UMODL1: variants seen among roughly 807,000 people sequenced by gnomAD.
UMODL1 encodes the protein uromodulin like 1.
UMODL1 carries 128 observed loss-of-function variants against 136.3 expected under a neutral mutation model. That is an observed-to-expected ratio of 0.94 (90% confidence interval 0.81 to 1.09). The LOEUF (loss-of-function observed/expected upper bound fraction) is 1.09, where lower values mean the gene tolerates loss of function less well. Among genes scored for constraint, UMODL1 ranks in the 50% least tolerant of loss-of-function variants. The probability of loss-of-function intolerance (pLI) is 0.00; values close to 1 mark genes in which losing one functional copy is unlikely to be tolerated. For synonymous variants in UMODL1, 721 were observed against 720.0 expected (o/e 1.00, Z -0.02); for missense variants, 1,766 against 1,725.6 (o/e 1.02, Z -0.41).
At position 42,110,828 on chromosome 21, in the gene UMODL1, C is replaced by G. The variant is rs1601238155; in HGVS notation, c.1658-52C>G. On this transcript the variant is annotated intron_variant, in intron 10 of 22. Transcript: ENST00000408910. ...GCCATGCTGCCCTCCTGGGAGGGCTCTTACTCGTGGGTGGGATCCAGCAGG... is the reference window on the plus strand; with the variant it reads ...GCCATGCTGCCCTCCTGGGAGGGCTGTTACTCGTGGGTGGGATCCAGCAGG... 4 of 1,517,292 alleles carry G rather than the reference C, an allele frequency of 2.6e-6. No homozygotes were observed. In the East Asian group the frequency reaches 6.9e-5, roughly 26 times the overall value. The allele number at this position is 1,517,292 out of a possible 1,614,324, so 94.0% of individuals were successfully genotyped here.
Position 42,099,738 on chromosome 21 carries a change from T to C in UMODL1, c.1186+558T>C, listed in dbSNP as rs1336182702. ...CTCTGTCACCCAGGCTGGAGTGTAG[T>C]GGTATGATCACAGCTCGCTGCGGCC... On this transcript the variant is annotated intron_variant, in intron 7 of 22. Transcript: ENST00000408910. The surrounding 1 kb of genome is among the most constrained non-coding windows in gnomAD (Gnocchi z 4.1). Among the ~76,000 whole-genome samples, 1 of 152,120 alleles carries C rather than the reference T, an allele frequency of 6.6e-6. No individual in the cohort carries two copies. The highest frequency in any genetic ancestry group is 1.5e-5 in the Non-Finnish European group (1 of 68,012).
rs201484577 is a variant in UMODL1, at chr21:42,122,826, T to C, written c.2828-5T>C. The C allele has an allele frequency of 2.5e-6, 4 of 1,587,742 alleles. No homozygotes were observed. The African/African-American group carries it at 4.0e-5, about 16-fold the overall frequency. On this transcript the variant is annotated splice_polypyrimidine_tract_variant and splice_region_variant and intron_variant, in intron 16 of 22. Transcript: ENST00000408910. The surrounding 1 kb of genome is among the most constrained non-coding windows in gnomAD (Gnocchi z 4.3). ...TCTTTGCCTTTTCCTCCTTGTGCCT[T>C]GCAGGTGACTCTCCTGGCAATGAAA...
rs2067038915 is a variant in UMODL1 at position 42,125,419 on chromosome 21, C to T, written c.3148-926C>T. Among the ~76,000 whole-genome samples the T allele has an allele frequency of 2.0e-5, 3 of 152,152 alleles. No homozygotes were observed. The South Asian group carries it at 6.2e-4, about 32-fold the overall frequency. The stretch of plus-strand genomic sequence containing the variant: ...GCAGAGCACAAGCTTGCCTGGGAGG[C>T]ACAGCTCACTCTGCCGAGCTCATTC... On this transcript the variant is annotated intron_variant, in intron 17 of 22. Transcript: ENST00000408910.
chr21:42,138,389 G>A (rs541988710), intron 22 of UMODL1, among the ~76,000 whole-genome samples: 39 of 152,202 alleles, frequency 2.6e-4, no homozygotes, highest in Admixed American at 9.8e-4. Context: ...GCTCATGCCC[G>A]CAGCCCCGAC....
At chr21:42,104,940 C>G (rs1039960192) in intron 9 of UMODL1, among the ~76,000 whole-genome samples, 7 of 152,236 alleles carry the variant, frequency 4.6e-5, no homozygotes, top group Non-Finnish European at 8.8e-5. Flanking sequence ...AGGGCACACA[C>G]AGTCTCTAGA....
Position 42,119,343 on chromosome 21 carries a change from G to C in UMODL1, c.2689+19G>C. 1 of 1,606,426 alleles carries C rather than the reference G, an allele frequency of 6.2e-7. No homozygotes were observed. ...ATACAGGGTACGAGAGGCTGGGATG[G>C]AGCCTCTCCCGTGTTCTGGAACCAG... is the stretch of plus-strand genomic sequence containing the variant. On this transcript the variant is annotated intron_variant, in intron 15 of 22. Coordinates refer to ENST00000408910, the MANE Select transcript of UMODL1 (RefSeq NM_001004416.3).
intron 7 of UMODL1, chr21:42,101,605 A>G: frequency 2.4e-6 from 1 of 414,018 alleles, no homozygotes; most frequent in South Asian, 1.8e-5. Context: ...TGAAAGATGA[A>G]TATTCCCGTG....
At chr21:42,066,185 T>C (rs2066181417) in intron 1 of UMODL1, among the ~76,000 whole-genome samples, 1 of 152,230 alleles carries the variant, frequency 6.6e-6, no homozygotes, top group Admixed American at 6.5e-5. Flanking sequence ...CCTCAGGATT[T>C]CAAGGACAGA....
intron 4 of UMODL1, among the ~76,000 whole-genome samples, chr21:42,086,108 T>TGCGTGTCCCCAAGGCTGCC (rs1329687617): frequency 6.6e-6 from 1 of 152,164 alleles, no homozygotes; most frequent in Non-Finnish European, 1.5e-5. Context: ...GACAGGGCGC[T>TGCGTGTCCCCAAGGCTGCC]GCGTGTCCCC....
intron 1 of UMODL1, among the ~76,000 whole-genome samples, chr21:42,065,082 G>A (rs1056821201): frequency 6.6e-6 from 1 of 152,178 alleles, no homozygotes; most frequent in African/African-American, 2.4e-5. Flanking sequence ...GCAACTCACT[G>A]TTGTGATGTC....
intron 21 of UMODL1, among the ~76,000 whole-genome samples, chr21:42,137,057 G>A (rs899754215): frequency 2.0e-5 from 3 of 152,152 alleles, no homozygotes; most frequent in Admixed American, 2.0e-4. Flanking sequence ...CGCCCAGCCT[G>A]CACTCTCTAT....
chr21:42,073,990 C>T (rs2066259740), intron 1 of UMODL1, among the ~76,000 whole-genome samples: 1 of 152,136 alleles, frequency 6.6e-6, no homozygotes, highest in African/African-American at 2.4e-5. Flanking sequence ...GGGCCCCCTG[C>T]TAGGTGCCAC....
At chr21:42,128,947 T>C (rs12627588) in intron 20 of UMODL1, among the ~76,000 whole-genome samples, 4,970 of 152,260 alleles carry the variant, frequency 0.033, 214 homozygotes, top group East Asian at 0.23. Flanking sequence ...AAGTCCAAGA[T>C]GGAGGTGTCA....
At chr21:42,140,107 C>A (rs766937353) in intron 22 of UMODL1, among the ~76,000 whole-genome samples, 7 of 152,072 alleles carry the variant, frequency 4.6e-5, no homozygotes, top group African/African-American at 2.4e-5. Context: ...TGAGTTGTTT[C>A]AAAAATCTGT....
chr21:42,105,348 G>T (rs542338349), intron 9 of UMODL1, among the ~76,000 whole-genome samples: 2 of 150,912 alleles, frequency 1.3e-5, no homozygotes, highest in Non-Finnish European at 3.0e-5. Flanking sequence ...CACCCAGCCC[G>T]CCCTCCACAC....
chr21:42,103,767 A>C, intron 8 of UMODL1, 101 bp from the exon 9 acceptor site: 1 of 1,373,610 alleles, frequency 7.3e-7, no homozygotes, highest in Non-Finnish European at 1.0e-6. Flanking sequence ...ATTGTAGAGG[A>C]GAGAAATGGC....
Position 42,076,239 on chromosome 21 carries a change from G to A in UMODL1, c.311G>A (p.Cys104Tyr). The A allele has an allele frequency of 6.2e-7, 1 of 1,614,140 alleles. No individual in the cohort carries two copies. The highest frequency in any genetic ancestry group is 8.5e-7 in the Non-Finnish European group (1 of 1,179,956). The change falls in exon 2 of 23, where the codon TGT becomes TAT. Residue 104 changes from cysteine (C) to tyrosine (Y), a missense_variant. Coordinates refer to ENST00000408910, the MANE Select transcript of UMODL1 (RefSeq NM_001004416.3). ...CEGYEQLGLY[C>Y]VLPLNQSGQF... ...GGCTATGAACAGCTCGGCCTCTACT[G>A]TGTCTTGCGTGAGTCCAGGGCTGCT...
Position 42,133,902 on chromosome 21 carries a change from TGTTTTGTTTTGTTTTGTTTC to T in UMODL1, c.3776-3522_3776-3503del, listed in dbSNP as rs1464064265. Among the ~76,000 whole-genome samples, 661 of 137,528 alleles carry T rather than the reference TGTTTTGTTTTGTTTTGTTTC, an allele frequency of 4.8e-3. 5 individuals are homozygous for T. The highest frequency in any genetic ancestry group is 0.017 in the African/African-American group (631 of 36,634). The allele number at this position is 137,528 out of a possible 152,430, so 90.2% of individuals were successfully genotyped here. ...AATATATCTGTTTTTTGTTTTGTTT[TGTTTTGTTTTGTTTTGTTTC>T]GTTTTGTTTTGTTTGAGACAGAGTC... On this transcript the variant is annotated intron_variant, in intron 21 of 22. Transcript: ENST00000408910.
At chr21:42,076,858 G>A (rs1003253083) in intron 2 of UMODL1, among the ~76,000 whole-genome samples, 1 of 152,178 alleles carries the variant, frequency 6.6e-6, no homozygotes, top group African/African-American at 2.4e-5. Flanking sequence ...AGTGCAGTTT[G>A]GAAGCTGCTT....
Sources: allele counts gnomAD v4.1 joint callset (sites outside exome capture counted in the v4.1 genomes callset), GRCh38; gene constraint gnomAD v4.1.1; non-coding constraint Gnocchi (gnomAD v3.1); transcripts MANE v1.5; gene names NCBI Gene and HGNC (gene_info 2026-07-23, HGNC 2026-07-21).